Variants in POU2F1 observed in about 807,000 individuals in gnomAD.
The protein encoded by POU2F1 is POU domain, class 2, transcription factor 1.
POU2F1 carries 16 observed loss-of-function variants against 84.9 expected under a neutral mutation model. That is an observed-to-expected ratio of 0.19 (90% confidence interval 0.13 to 0.29). The LOEUF is 0.29. Among genes scored for constraint, POU2F1 ranks in the 10% least tolerant of loss-of-function variants. The pLI, the probability that POU2F1 is intolerant of heterozygous loss-of-function variation, is 1.00. For missense variants in POU2F1, 738 were observed against 942.6 expected (o/e 0.78, Z 2.84); for synonymous variants, 368 against 368.3 (o/e 1.00, Z 0.01).
chr1:167,351,872 C>A (rs1658607845), intron 2 of POU2F1, among the ~76,000 whole-genome samples: 1 of 152,134 alleles, frequency 6.6e-6, no homozygotes, highest in African/African-American at 2.4e-5. Context: ...TTTCCTCTCT[C>A]ATTTATACAT....
rs1388585091 is a variant in POU2F1, at chr1:167,398,168, T to C, written c.1269+35T>C. ...GATTTTACTTTTCTGTACATGGGAT[T>C]GTCTGTGTAGTACTTAACATTAGTA... On this transcript the variant is annotated intron_variant, in intron 11 of 15. Coordinates refer to ENST00000367866, the MANE Select transcript of POU2F1 (RefSeq NM_002697.4). 3 of 1,608,432 alleles carry C rather than the reference T, an allele frequency of 1.9e-6. No homozygotes were observed. In the African/African-American group the frequency reaches 4.0e-5, roughly 22 times the overall value.
At position 167,422,193 on chromosome 1, in the gene POU2F1, A is replaced by G. The variant is rs570481774; in HGVS notation, c.*6383A>G. The G allele has an allele frequency of 6.6e-6, 1 of 152,340 alleles. No individual in the cohort carries two copies. The highest frequency in any genetic ancestry group is 6.5e-5 in the Admixed American group (1 of 15,306). The allele number at this position is 152,340 out of a possible 1,614,324, so 9.4% of individuals were successfully genotyped here. A position where few individuals can be genotyped will look rare whatever the true frequency, so the allele number is the denominator to read the frequency against. ...TCTCCTAATGATTCATTACCTCTGT[A>G]CATAGCAAAAGCATAGGCAAAGGAT... On this transcript the variant is annotated 3_prime_UTR_variant, in exon 16 of 16. Transcript: ENST00000367866.
chr1:167,423,269 C>T lies in POU2F1; in HGVS notation c.*7459C>T, dbSNP rs1025640518. On this transcript the variant is annotated 3_prime_UTR_variant, in exon 16 of 16. Transcript: ENST00000367866. ...TAGGGAGTCAGGTAGTTCATTGTTT[C>T]GGTGTACTATTGATAGGACACAGAA... 1 of 152,090 alleles carries T rather than the reference C, an allele frequency of 6.6e-6. No individual in the cohort carries two copies. Among genetic ancestry groups the T allele is most frequent in the Non-Finnish European group, 1.5e-5 (1 of 68,024 alleles). 9.4% of individuals were successfully genotyped at this position (152,090 alleles called of 1,614,324 possible). A position where few individuals can be genotyped will look rare whatever the true frequency, so the allele number is the denominator to read the frequency against.
At chr1:167,396,667 T>C (rs1421083945) in intron 10 of POU2F1, 5 of 441,498 alleles carry the variant, frequency 1.1e-5, no homozygotes, top group African/African-American at 2.1e-5. Flanking sequence ...AATACTCTTG[T>C]ATTTGAGCCA....
At chr1:167,325,967 A>G (rs936822541) in intron 1 of POU2F1, among the ~76,000 whole-genome samples, 1 of 151,876 alleles carries the variant, frequency 6.6e-6, no homozygotes, top group Non-Finnish European at 1.5e-5. Flanking sequence ...TTAGAAAATA[A>G]AAAAAGGCTA....
intron 13 of POU2F1, among the ~76,000 whole-genome samples, chr1:167,406,018 A>G (rs192962959): frequency 2.0e-4 from 30 of 152,342 alleles, no homozygotes; most frequent in South Asian, 2.1e-4. Flanking sequence ...CTATTTTCCT[A>G]TCAGGCCGGT....
In POU2F1 at chr1:167,399,171, C is replaced by A. The variant is rs1649020058; in HGVS notation, c.1270-15C>A. Reference sequence around the variant, plus strand: ...CAAAGGATAGCTTTTGGAATTACATCTTTTCACCCTGCAGAATCAAAAGCC... The same window carrying A: ...CAAAGGATAGCTTTTGGAATTACATATTTTCACCCTGCAGAATCAAAAGCC... On this transcript the variant is annotated splice_polypyrimidine_tract_variant and intron_variant, in intron 11 of 15. Transcript: ENST00000367866. The A allele has an allele frequency of 5.0e-6, 8 of 1,587,516 alleles. No individual in the cohort carries two copies. Among genetic ancestry groups the A allele is most frequent in the Non-Finnish European group, 6.9e-6 (8 of 1,166,282 alleles).
intron 1 of POU2F1, among the ~76,000 whole-genome samples, chr1:167,328,429 CT>C (rs1490748714): frequency 6.6e-6 from 1 of 152,192 alleles, no homozygotes; most frequent in Non-Finnish European, 1.5e-5. Flanking sequence ...CTAGCACCAT[CT>C]TGACAGCCTT....
At chr1:167,398,195 T>C in intron 11 of POU2F1, 62 bp downstream of exon 11, 1 of 1,546,402 alleles carries the variant, frequency 6.5e-7, no homozygotes. Context: ...ACATTAGTAC[T>C]TAGTAGAAAC....
intron 12 of POU2F1, among the ~76,000 whole-genome samples, chr1:167,400,021 T>C (rs1649095108): frequency 8.5e-6 from 1 of 117,350 alleles, no homozygotes. Context: ...TTCACTCTTG[T>C]TGCCCAGGCT....
chr1:167,310,899 G>A (rs1655422597), intron 1 of POU2F1, among the ~76,000 whole-genome samples: 1 of 152,140 alleles, frequency 6.6e-6, no homozygotes, highest in Admixed American at 6.5e-5. Context: ...CAGAATGGAG[G>A]AGACAGAGTG....
At chr1:167,336,909 T>C (rs2101742887) in intron 2 of POU2F1, among the ~76,000 whole-genome samples, 1 of 152,202 alleles carries the variant, frequency 6.6e-6, no homozygotes, top group East Asian at 1.9e-4. Context: ...CTCATGCTTG[T>C]AATCCCAGCA....
At chr1:167,404,718 A>G (rs1300215206) in intron 13 of POU2F1, among the ~76,000 whole-genome samples, 1 of 151,926 alleles carries the variant, frequency 6.6e-6, no homozygotes, top group Non-Finnish European at 1.5e-5. Context: ...CTGACAAATA[A>G]CTCTGAGCTG....
chr1:167,305,727 A>G (rs1418719704), intron 1 of POU2F1, among the ~76,000 whole-genome samples: 2 of 152,206 alleles, frequency 1.3e-5, no homozygotes, highest in African/African-American at 4.8e-5. Flanking sequence ...CTTTGATTTT[A>G]CTTTTTAGTA....
Position 167,245,435 on chromosome 1 carries a change from T to TG in POU2F1, c.61+24479dup, listed in dbSNP as rs1420675402. On this transcript the variant is annotated intron_variant, in intron 1 of 15. Transcript: ENST00000367866. ...AATTTTTTTTTTTTTTTTTTTGAGA[T>TG]GGAGTTTTGCTCTTGTTCCCCAGGC... 6.8e-5 allele frequency among the ~76,000 whole-genome samples: 10 copies of TG among 147,100 alleles called. No individual in the cohort carries two copies. In the Admixed American group the frequency reaches 6.9e-4, roughly 10 times the overall value.
chr1:167,422,302 T>G lies in POU2F1; in HGVS notation c.*6492T>G. On this transcript the variant is annotated 3_prime_UTR_variant, in exon 16 of 16. Transcript: ENST00000367866. The stretch of plus-strand genomic sequence containing the variant: ...AATTAATTTGGAGCCAAGAGGTGAG[T>G]GATTGATGTATCTTAAATCTAGGAA... 1 of 150,896 alleles carries G rather than the reference T, an allele frequency of 6.6e-6. No individual in the cohort carries two copies. Among genetic ancestry groups the G allele is most frequent in the East Asian group, 1.9e-4 (1 of 5,186 alleles). The allele number at this position is 150,896 out of a possible 1,614,324, so 9.3% of individuals were successfully genotyped here. A position where few individuals can be genotyped will look rare whatever the true frequency, so the allele number is the denominator to read the frequency against.
intron 12 of POU2F1, among the ~76,000 whole-genome samples, chr1:167,399,685 T>C (rs563507663): frequency 6.6e-5 from 10 of 152,220 alleles, no homozygotes; most frequent in African/African-American, 1.7e-4. Context: ...ATTTATTTTA[T>C]TTTTTTGAGA....
At chr1:167,363,971 G>A (rs1015990392) in intron 2 of POU2F1, among the ~76,000 whole-genome samples, 1 of 152,202 alleles carries the variant, frequency 6.6e-6, no homozygotes, top group Non-Finnish European at 1.5e-5. Context: ...GGATGTGTGT[G>A]CACATGTAAG....
intron 9 of POU2F1, among the ~76,000 whole-genome samples, chr1:167,391,307 T>C (rs985551203): frequency 2.0e-5 from 3 of 151,840 alleles, no homozygotes; most frequent in Non-Finnish European, 1.5e-5. Flanking sequence ...TGGTATAAGA[T>C]CATTAGGTAA....
Sources: gnomAD v4.1 joint callset for allele counts (sites outside exome capture counted in the v4.1 genomes callset) on GRCh38, gnomAD v4.1.1 for gene constraint, MANE v1.5 for transcripts, NCBI Gene and HGNC (gene_info 2026-07-23, HGNC 2026-07-21) for gene names.